The following CMSS1 variants were observed in gnomAD, a reference collection of about 807,000 sequenced individuals.
CMSS1 encodes cms1 ribosomal small subunit homolog, also known as protein CMSS1.
In CMSS1, 33 loss-of-function variants were observed where a neutral mutation model predicts 43.5. That is an observed-to-expected ratio of 0.76 (90% confidence interval 0.57 to 1.01). The LOEUF is 1.01. Among genes scored for constraint, CMSS1 ranks in the 50% least tolerant of loss-of-function variants. The pLI is 0.00. For missense variants in CMSS1, 313 were observed against 326.4 expected, an observed-to-expected ratio of 0.96 and a Z score of 0.32; for synonymous variants, 115 against 117.2, an observed-to-expected ratio of 0.98 and a Z score of 0.12.
At chr3:100,107,662 C>T (rs943930380) in intron 1 of CMSS1, among the ~76,000 whole-genome samples, 4 of 152,016 alleles carry the variant, frequency 2.6e-5, no homozygotes, top group South Asian at 2.1e-4. Context: ...AGTAATTTAA[C>T]GCTCTACTGT....
intron 1 of CMSS1, among the ~76,000 whole-genome samples, chr3:99,900,625 C>T (rs1706404544): frequency 6.6e-6 from 1 of 152,186 alleles, no homozygotes; most frequent in South Asian, 2.1e-4. Flanking sequence ...TCTTCACACA[C>T]TTAATATTCA....
intron 1 of CMSS1, among the ~76,000 whole-genome samples, chr3:99,887,281 G>T (rs948236355): frequency 1.3e-5 from 2 of 151,756 alleles, no homozygotes; most frequent in Non-Finnish European, 2.9e-5. Flanking sequence ...AAAAAAAAAA[G>T]TATCAGGCTT....
At chr3:99,824,719 CTG>C (rs1370008301) in intron 1 of CMSS1, among the ~76,000 whole-genome samples, 1 of 152,202 alleles carries the variant, frequency 6.6e-6, no homozygotes, top group Non-Finnish European at 1.5e-5. Flanking sequence ...CCTTGTAAAA[CTG>C]TGTCTAACAT....
intron 1 of CMSS1, among the ~76,000 whole-genome samples, chr3:99,906,251 T>C (rs1706614583): frequency 6.6e-6 from 1 of 152,202 alleles, no homozygotes; most frequent in South Asian, 2.1e-4. Flanking sequence ...TACTCCCTCG[T>C]TGTAAATTTA....
chr3:100,090,461 C>T (rs2066084354), intron 1 of CMSS1, among the ~76,000 whole-genome samples: 1 of 152,130 alleles, frequency 6.6e-6, no homozygotes, highest in African/African-American at 2.4e-5. Flanking sequence ...GCAATTCCAC[C>T]TCTGATTTTC....
chr3:99,867,866 G>A (rs1476974497), intron 1 of CMSS1, among the ~76,000 whole-genome samples: 2 of 152,150 alleles, frequency 1.3e-5, no homozygotes, highest in African/African-American at 4.8e-5. Flanking sequence ...TGAGTCTGTT[G>A]TAGTTCACAA....
At chr3:99,864,997 G>T (rs1187515684) in intron 1 of CMSS1, among the ~76,000 whole-genome samples, 1 of 152,050 alleles carries the variant, frequency 6.6e-6, no homozygotes, top group African/African-American at 2.4e-5. Context: ...ACAGTACCTG[G>T]TACTTAATTG....
chr3:99,852,224 A>G (rs1943731341), intron 1 of CMSS1, among the ~76,000 whole-genome samples: 1 of 152,214 alleles, frequency 6.6e-6, no homozygotes, highest in Non-Finnish European at 1.5e-5. Flanking sequence ...ACTGTTATAC[A>G]GAAGCTAAAA....
intron 1 of CMSS1, among the ~76,000 whole-genome samples, chr3:99,966,229 C>G (rs1279209051): frequency 6.6e-6 from 1 of 152,114 alleles, no homozygotes; most frequent in Non-Finnish European, 1.5e-5. Flanking sequence ...AAGCAGGCTG[C>G]AGAGGCTGGG....
At chr3:100,111,046 C>T (rs2066482397) in intron 1 of CMSS1, among the ~76,000 whole-genome samples, 1 of 152,110 alleles carries the variant, frequency 6.6e-6, no homozygotes, top group African/African-American at 2.4e-5. Flanking sequence ...GGAGTCAATT[C>T]AGAGCTTTAC....
chr3:99,905,263 C>T (rs1706576882), intron 1 of CMSS1, among the ~76,000 whole-genome samples: 3 of 152,166 alleles, frequency 2.0e-5, no homozygotes, highest in Admixed American at 1.3e-4. Context: ...CTGAAACTCC[C>T]AAATTTTTAC....
At chr3:99,833,080 C>T (rs1942750444) in intron 1 of CMSS1, 5 of 677,214 alleles carry the variant, frequency 7.4e-6, no homozygotes, top group Admixed American at 2.8e-5. Flanking sequence ...GAGTTGGAGG[C>T]TCCTGGGTTT....
intron 1 of CMSS1, among the ~76,000 whole-genome samples, chr3:99,996,706 G>A (rs1489006529): frequency 6.6e-6 from 1 of 152,066 alleles, no homozygotes; most frequent in Non-Finnish European, 1.5e-5. Flanking sequence ...AGAAAATGAG[G>A]AAGATGCAAA....
intron 1 of CMSS1, among the ~76,000 whole-genome samples, chr3:100,014,777 C>A (rs567704873): frequency 4.0e-4 from 57 of 143,772 alleles, no homozygotes; most frequent in Non-Finnish European, 7.8e-4. Context: ...TGTTTTCTCT[C>A]ATTCCATAGG....
intron 1 of CMSS1, among the ~76,000 whole-genome samples, chr3:100,145,671 T>C (rs759091695): frequency 3.9e-5 from 6 of 152,166 alleles, no homozygotes; most frequent in Non-Finnish European, 7.3e-5. Flanking sequence ...GAGAAGATGA[T>C]GCAGTTTTAG....
intron 1 of CMSS1, among the ~76,000 whole-genome samples, chr3:100,004,614 G>C (rs558461496): frequency 6.6e-6 from 1 of 152,270 alleles, no homozygotes; most frequent in South Asian, 2.1e-4. Flanking sequence ...TCATCATCAG[G>C]ACAGAGTAGC....
At chr3:99,841,425 T>G (rs1943126892) in intron 1 of CMSS1, among the ~76,000 whole-genome samples, 1 of 152,224 alleles carries the variant, frequency 6.6e-6, no homozygotes, top group Non-Finnish European at 1.5e-5. Context: ...CTCTATTGTT[T>G]AGACCTTTCT....
At chr3:100,129,180 TG>T (rs2066686612) in intron 1 of CMSS1, among the ~76,000 whole-genome samples, 2 of 152,230 alleles carry the variant, frequency 1.3e-5, no homozygotes, top group Admixed American at 1.3e-4. Context: ...CTGTCTTTCC[TG>T]CTATATTGTC....
At chr3:99,851,282 G>A (rs955707475) in intron 1 of CMSS1, among the ~76,000 whole-genome samples, 12 of 152,156 alleles carry the variant, frequency 7.9e-5, no homozygotes, top group Non-Finnish European at 7.4e-5. Context: ...ATCAGTAACA[G>A]CTGCATTTCA....
Sources: allele counts gnomAD v4.1 joint callset (sites outside exome capture counted in the v4.1 genomes callset), GRCh38; gene constraint gnomAD v4.1.1; transcripts MANE v1.5; gene names NCBI Gene and HGNC (gene_info 2026-07-23, HGNC 2026-07-21).